LMLN: variants seen among roughly 807,000 people sequenced by gnomAD.
The protein encoded by LMLN is leishmanolysin like peptidase.
Under a neutral mutation model 92.3 loss-of-function variants are expected in LMLN, and 70 were observed. That is an observed-to-expected ratio of 0.76 (90% CI 0.63 to 0.92). The LOEUF (loss-of-function observed/expected upper bound fraction) is 0.92, where lower values mean the gene tolerates loss of function less well. Ranked by LOEUF, LMLN falls within the 40% of genes least tolerant of loss-of-function variation. LMLN has a pLI of 0.00. For synonymous variants in LMLN, 308 were observed against 296.2 expected, an observed-to-expected ratio of 1.04 and a Z score of -0.41; for missense variants, 691 against 814.6, an observed-to-expected ratio of 0.85 and a Z score of 1.85.
At chr3:198,005,530 T>A (rs867409987) in intron 11 of LMLN, among the ~76,000 whole-genome samples, 128 of 152,190 alleles carry the variant, frequency 8.4e-4, no homozygotes, top group African/African-American at 3.0e-3. Flanking sequence ...TGGAAATAGT[T>A]GTTATACTAT....
rs556593973 is a variant in LMLN, at chr3:198,019,852, T to C, written c.1365+467T>C. 6.6e-6 allele frequency among the ~76,000 whole-genome samples: 1 copy of C among 152,286 alleles called. No individual in the cohort carries two copies. Among genetic ancestry groups the C allele is most frequent in the African/African-American group, 2.4e-5 (1 of 41,566 alleles). On this transcript the variant is annotated intron_variant, in intron 12 of 15. Coordinates refer to ENST00000330198, the Ensembl canonical transcript of LMLN. This position sits in a 1 kb window ranked among gnomAD's most constrained non-coding sequence, Gnocchi z 5.5. ...TGGATCTCTGATTTGACCTTTATGT[T>C]TCTTTTTATCTTTTATCTTTTTTTC...
chr3:197,982,379 C>A (rs985248126), intron 6 of LMLN, among the ~76,000 whole-genome samples: 4 of 151,894 alleles, frequency 2.6e-5, no homozygotes, highest in Non-Finnish European at 5.9e-5. Context: ...GTGCGCACCA[C>A]CACGCCTGGC....
intron 11 of LMLN, among the ~76,000 whole-genome samples, chr3:198,012,038 A>C (rs1456335951): frequency 6.6e-6 from 1 of 152,146 alleles, no homozygotes; most frequent in Non-Finnish European, 1.5e-5. Context: ...AGAAAAAAAC[A>C]AACAACCCCA....
chr3:197,975,501 G>A (rs544641900), intron 3 of LMLN, among the ~76,000 whole-genome samples: 8 of 147,638 alleles, frequency 5.4e-5, no homozygotes, highest in South Asian at 2.1e-4. Context: ...ACACACACGC[G>A]CACGTGCACG....
intron 9 of LMLN, among the ~76,000 whole-genome samples, chr3:197,992,316 C>T (rs1350841733): frequency 6.6e-6 from 1 of 152,114 alleles, no homozygotes; most frequent in Admixed American, 6.6e-5. Flanking sequence ...GATCCGTGCG[C>T]CTTGGCCTCC....
chr3:197,989,270 C>T (rs1000189544), intron 8 of LMLN, among the ~76,000 whole-genome samples: 1 of 152,100 alleles, frequency 6.6e-6, no homozygotes, highest in African/African-American at 2.4e-5. Context: ...TTCTGCATTG[C>T]TATAAATCTT....
exon 10 of LMLN, chr3:197,996,216 A>G (rs1269110020): frequency 6.2e-7 from 1 of 1,606,046 alleles, no homozygotes; most frequent in East Asian, 2.3e-5. Flanking sequence ...TTCTAGAGGG[A>G]ATGGAACTTG....
intron 11 of LMLN, among the ~76,000 whole-genome samples, chr3:198,012,960 C>T (rs1337297949): frequency 8.8e-6 from 1 of 113,796 alleles, no homozygotes; most frequent in Non-Finnish European, 1.7e-5. Flanking sequence ...TCAGAGCCCC[C>T]TAACTAGTCT....
At chr3:197,978,791 GAC>G (rs1310051663) in intron 5 of LMLN, among the ~76,000 whole-genome samples, 1 of 152,132 alleles carries the variant, frequency 6.6e-6, no homozygotes, top group East Asian at 1.9e-4. Flanking sequence ...AGGAGTTCAA[GAC>G]CAGCCTGGCC....
At chr3:198,035,519 C>G (rs1022650081) in intron 14 of LMLN, among the ~76,000 whole-genome samples, 3 of 151,724 alleles carry the variant, frequency 2.0e-5, no homozygotes, top group African/African-American at 7.3e-5. Flanking sequence ...CATGACACCA[C>G]GCCCAGCTAG....
chr3:198,020,766 G>GTTTGTTTTTTTTTTTT (rs1260852398), intron 12 of LMLN, among the ~76,000 whole-genome samples: 2 of 25,640 alleles, frequency 7.8e-5, no homozygotes, highest in African/African-American at 3.7e-4. Context: ...GCTAATTTTT[G>GTTTGTTTTTTTTTTTT]TATTTTTTTT....
intron 8 of LMLN, among the ~76,000 whole-genome samples, chr3:197,988,655 C>T (rs1581147708): frequency 2.0e-5 from 3 of 151,046 alleles, no homozygotes; most frequent in Admixed American, 2.0e-4. Context: ...CCACCATGCT[C>T]ATCTAGTTTT....
rs1331238549 is a variant in LMLN, at chr3:198,003,195, C to T, written c.1232+3853C>T. The T allele has an allele frequency of 3.3e-6, 3 of 896,494 alleles. No homozygotes were observed. In the African/African-American group the frequency reaches 5.1e-5, roughly 15 times the overall value. 55.5% of individuals were successfully genotyped at this position (896,494 alleles called of 1,614,324 possible). On this transcript the variant is annotated intron_variant, in intron 11 of 15. Coordinates refer to ENST00000330198, the Ensembl canonical transcript of LMLN. ...TTCTGACTTTATTCTTTATCCTGAG[C>T]CTAAAATGCTATTTTCAAAATGTAG...
intron 1 of LMLN, among the ~76,000 whole-genome samples, chr3:197,961,085 C>T (rs1352810604): frequency 6.6e-6 from 1 of 152,190 alleles, no homozygotes; most frequent in Non-Finnish European, 1.5e-5. Flanking sequence ...CTCAAGGCAG[C>T]CTGCTGAAAC....
At chr3:198,008,445 G>A (rs538221276) in intron 11 of LMLN, among the ~76,000 whole-genome samples, 2 of 152,110 alleles carry the variant, frequency 1.3e-5, no homozygotes, top group South Asian at 4.2e-4. Context: ...ATTATTTATG[G>A]CCAGACATGG....
chr3:198,015,785 T>C (rs1722620709), intron 11 of LMLN, among the ~76,000 whole-genome samples: 2 of 152,212 alleles, frequency 1.3e-5, no homozygotes, highest in South Asian at 4.1e-4. Flanking sequence ...TTTGTTTCTT[T>C]AATTTACAGT....
At chr3:197,985,158 A>AGTGTCAGTCTTGGCCACGT (rs1296398782) in intron 7 of LMLN, among the ~76,000 whole-genome samples, 7 of 152,166 alleles carry the variant, frequency 4.6e-5, no homozygotes, top group Non-Finnish European at 8.8e-5. Flanking sequence ...ATTGTAAGCA[A>AGTGTCAGTCTTGGCCACGT]GTGTCAGTCT....
chr3:198,015,483 A>G (rs1722606452), intron 11 of LMLN, among the ~76,000 whole-genome samples: 1 of 135,568 alleles, frequency 7.4e-6, no homozygotes, highest in Non-Finnish European at 1.6e-5. Context: ...TCCCCTAACT[A>G]GTCTGACTTC....
chr3:198,012,813 T>C, intron 11 of LMLN, among the ~76,000 whole-genome samples: 1 of 149,884 alleles, frequency 6.7e-6, no homozygotes, highest in Non-Finnish European at 1.5e-5. Context: ...CAGAGCCCCC[T>C]AACTAGTCTG....
Sources: allele counts gnomAD v4.1 joint callset (sites outside exome capture counted in the v4.1 genomes callset), GRCh38; gene constraint gnomAD v4.1.1; non-coding constraint Gnocchi (gnomAD v3.1); transcripts MANE v1.5; gene names NCBI Gene and HGNC (gene_info 2026-07-23, HGNC 2026-07-21).